ZNF66: variants seen among roughly 807,000 people sequenced by gnomAD.
ZNF66 encodes the protein putative zinc finger protein 66.
A neutral mutation model predicts 35.2 loss-of-function variants in ZNF66; 32 were observed. That is an observed-to-expected ratio of 0.91 (90% CI 0.69 to 1.22). The LOEUF is 1.22. Among genes scored for constraint, ZNF66 ranks in the 50% most tolerant of loss-of-function variants. The pLI is 0.00. For synonymous variants in ZNF66, 231 were observed against 181.3 expected, an observed-to-expected ratio of 1.27 and a Z score of -2.20; for missense variants, 666 against 543.1, an observed-to-expected ratio of 1.23 and a Z score of -2.25.
Position 20,789,616 on chromosome 19 carries a change from C to G in ZNF66, c.4-2896C>G, listed in dbSNP as rs182366270. ...AAAATTTTGTCTAAACTACATTAAC[C>G]TCTTTCTTTCTGTATCTCTTTCATC... On this transcript the variant is annotated intron_variant, in intron 1 of 3. Coordinates refer to ENST00000344519, the MANE Select transcript of ZNF66 (RefSeq NM_001355197.2). Among the ~76,000 whole-genome samples, 75 of 152,104 alleles carry G rather than the reference C, an allele frequency of 4.9e-4. 3 individuals are homozygous for G. The highest frequency in any genetic ancestry group is 4.3e-3 in the Admixed American group (66 of 15,232).
Position 20,776,386 on chromosome 19 carries a change from T to C in ZNF66, c.-62T>C, listed in dbSNP as rs1971194271. On this transcript the variant is annotated 5_prime_UTR_variant, in exon 1 of 4. Coordinates refer to ENST00000344519, the MANE Select transcript of ZNF66 (RefSeq NM_001355197.2). ...CCTAGAGGCCCAGCCTCTGTGGCCCTGTGTCCTGCAGGTATTGGGAGATCC... is the reference window on the plus strand; with the variant it reads ...CCTAGAGGCCCAGCCTCTGTGGCCCCGTGTCCTGCAGGTATTGGGAGATCC... 1 of 1,535,264 alleles carries C rather than the reference T, an allele frequency of 6.5e-7. No individual in the cohort carries two copies.
Position 20,806,159 on chromosome 19 carries a change from A to C in ZNF66, c.559A>C (p.Thr187Pro), listed in dbSNP as rs1178847214. 1 of 1,233,106 alleles carries C rather than the reference A, an allele frequency of 8.1e-7. No individual in the cohort carries two copies. Among genetic ancestry groups the C allele is most frequent in the Admixed American group, 1.7e-5 (1 of 58,520 alleles). The allele number at this position is 1,233,106 out of a possible 1,614,324, so 76.4% of individuals were successfully genotyped here. Residue 187 changes from threonine (T) to proline (P), a missense_variant, in exon 4 of 4, where the codon ACC becomes CCC. Transcript: ENST00000344519. ...TGGCAAAGCTTTTAACCGGTCCTCA[A>C]CCTTTACTACACATAAGAAAATTCA... Reference protein sequence around the residue: ...ECGKAFNRSSTFTTHKKIHTG... With the variant: ...ECGKAFNRSSPFTTHKKIHTG...
chr19:20,779,211 T>TAA (rs61704326), intron 1 of ZNF66, among the ~76,000 whole-genome samples: 19 of 151,050 alleles, frequency 1.3e-4, no homozygotes, highest in Admixed American at 1.2e-3. Flanking sequence ...TAGATTTATG[T>TAA]AAAAAAAAAA....
intron 3 of ZNF66, among the ~76,000 whole-genome samples, chr19:20,803,632 T>G (rs1362894681): frequency 6.6e-6 from 1 of 152,130 alleles, no homozygotes; most frequent in Non-Finnish European, 1.5e-5. Flanking sequence ...ACCATTATGA[T>G]AATGTTAAGA....
At chr19:20,786,821 G>A (rs1056881774) in intron 1 of ZNF66, among the ~76,000 whole-genome samples, 5 of 152,212 alleles carry the variant, frequency 3.3e-5, no homozygotes, top group Non-Finnish European at 2.9e-5. Context: ...GAGTGCAATG[G>A]CACAATCTTG....
In ZNF66 at chr19:20,806,577, C is replaced by T. The variant is rs951016104; in HGVS notation, c.977C>T (p.Ser326Leu). ...EECGKAFNWS[S>L]HLTTHKRIHT... ...TGTGGTAAAGCCTTCAACTGGTCCT[C>T]ACACCTTACTACACATAAGAGAATT... Residue 326 changes from serine (S) to leucine (L), a missense_variant, in exon 4 of 4, where the codon TCA (serine) becomes TTA (leucine). Coordinates refer to ENST00000344519, the MANE Select transcript of ZNF66 (RefSeq NM_001355197.2). 13 of 1,589,000 alleles carry T rather than the reference C, an allele frequency of 8.2e-6. No homozygotes were observed. The highest frequency in any genetic ancestry group is 1.1e-5 in the Non-Finnish European group (13 of 1,158,658).
intron 1 of ZNF66, among the ~76,000 whole-genome samples, chr19:20,783,995 T>G (rs1971266182): frequency 6.6e-6 from 1 of 152,150 alleles, no homozygotes; most frequent in Non-Finnish European, 1.5e-5. Flanking sequence ...TAGCTGGGAT[T>G]ACAAGTGCAC....
intron 1 of ZNF66, among the ~76,000 whole-genome samples, chr19:20,791,505 AG>A (rs754924462): frequency 1.4e-3 from 212 of 150,656 alleles, no homozygotes; most frequent in Non-Finnish European, 2.4e-3. Context: ...AAAAAAAAAA[AG>A]AAAATTGCTC....
chr19:20,807,389 A>G lies in ZNF66; in HGVS notation c.*67A>G, dbSNP rs1419155031. The G allele has an allele frequency of 1.8e-6, 1 of 568,312 alleles. No individual in the cohort carries two copies. Among genetic ancestry groups the G allele is most frequent in the African/African-American group, 1.9e-5 (1 of 53,200 alleles). 35.2% of individuals were successfully genotyped at this position (568,312 alleles called of 1,614,324 possible). On this transcript the variant is annotated 3_prime_UTR_variant, in exon 4 of 4. Coordinates refer to ENST00000344519, the MANE Select transcript of ZNF66 (RefSeq NM_001355197.2). ...GAGAGAAACCCTATGAGTTTGATGA[A>G]TGTGGGAAAGACTTTAACCAGCTAT... is the stretch of plus-strand genomic sequence containing the variant.
intron 1 of ZNF66, among the ~76,000 whole-genome samples, chr19:20,778,184 C>T (rs1971213244): frequency 6.6e-6 from 1 of 152,146 alleles, no homozygotes; most frequent in Non-Finnish European, 1.5e-5. Flanking sequence ...CACGCAACCT[C>T]TGCCTCCCAG....
intron 1 of ZNF66, chr19:20,784,546 A>G (rs1392475489): frequency 6.6e-6 from 1 of 152,214 alleles, no homozygotes; most frequent in African/African-American, 2.4e-5. Context: ...GCTATGTTGC[A>G]AGTTCTAATA....
chr19:20,805,299 A>G (rs142505356), intron 3 of ZNF66, among the ~76,000 whole-genome samples: 230 of 152,158 alleles, frequency 1.5e-3, no homozygotes, highest in Non-Finnish European at 2.7e-3. Flanking sequence ...GGTTCAAGCA[A>G]TTCTCTGCCT....
intron 1 of ZNF66, among the ~76,000 whole-genome samples, chr19:20,779,928 CAAA>C (rs71174746): frequency 6.2e-5 from 8 of 128,558 alleles, no homozygotes; most frequent in Non-Finnish European, 4.9e-5. Context: ...AACTCTGTCT[CAAA>C]AAAAAAAAAA....
chr19:20,790,239 A>C (rs1003658032), intron 1 of ZNF66, among the ~76,000 whole-genome samples: 5 of 152,304 alleles, frequency 3.3e-5, no homozygotes, highest in East Asian at 1.9e-4. Context: ...ATTTGCAGAA[A>C]TCTCTTGTGC....
rs10426864 is a variant in ZNF66 at position 20,807,895 on chromosome 19, T to C, written c.*573T>C. Among the ~76,000 whole-genome samples the C allele has an allele frequency of 0.093, 14,163 of 152,186 alleles. 677 individuals carry two copies. Among genetic ancestry groups the C allele is most frequent in the Middle Eastern group, 0.11 (33 of 294 alleles). On this transcript the variant is annotated 3_prime_UTR_variant, in exon 4 of 4. Coordinates refer to ENST00000344519, the MANE Select transcript of ZNF66 (RefSeq NM_001355197.2). ...TGGGTGCAGTGCACTGTGCATGAGCTGAAGCAGGGCGAGGCATTGCCTCAC... is the reference window on the plus strand; with the variant it reads ...TGGGTGCAGTGCACTGTGCATGAGCCGAAGCAGGGCGAGGCATTGCCTCAC...
rs894704279 is a variant in ZNF66, at chr19:20,808,741, G to T, written c.*1419G>T. On this transcript the variant is annotated 3_prime_UTR_variant, in exon 4 of 4. Coordinates refer to ENST00000344519, the MANE Select transcript of ZNF66 (RefSeq NM_001355197.2). ...CAAAAGTAGATAAAACCACAAAGAT[G>T]GGGAAAAAACAGAGCAGAAAAACTG... 6.6e-6 allele frequency among the ~76,000 whole-genome samples: 1 copy of T among 151,914 alleles called. No homozygotes were observed. Among genetic ancestry groups the T allele is most frequent in the African/African-American group, 2.4e-5 (1 of 41,372 alleles).
rs1037631504 is a variant in ZNF66, at chr19:20,808,545, C to T, written c.*1223C>T. On this transcript the variant is annotated 3_prime_UTR_variant, in exon 4 of 4. Coordinates refer to ENST00000344519, the MANE Select transcript of ZNF66 (RefSeq NM_001355197.2). Reference sequence around the variant, plus strand: ...GCAGCATTTGTGGTTCATGAAAATCCGCTGTTCTACAGCCACTGATGCTGA... The same window carrying T: ...GCAGCATTTGTGGTTCATGAAAATCTGCTGTTCTACAGCCACTGATGCTGA... 1.3e-5 allele frequency among the ~76,000 whole-genome samples: 2 copies of T among 152,092 alleles called. No individual in the cohort carries two copies. The highest frequency in any genetic ancestry group is 2.9e-5 in the Non-Finnish European group (2 of 68,016).
intron 1 of ZNF66, among the ~76,000 whole-genome samples, chr19:20,778,241 A>G (rs964395537): frequency 5.9e-4 from 90 of 152,088 alleles, no homozygotes; most frequent in Non-Finnish European, 2.2e-4. Flanking sequence ...CTGGGATTAC[A>G]GGTGTGTGTC....
chr19:20,785,925 C>G (rs1291371854), intron 1 of ZNF66, among the ~76,000 whole-genome samples: 1 of 151,990 alleles, frequency 6.6e-6, no homozygotes, highest in Non-Finnish European at 1.5e-5. Flanking sequence ...CTGTGCTGGG[C>G]TCATTTTCAT....
Sources: gnomAD v4.1 joint callset for allele counts (sites outside exome capture counted in the v4.1 genomes callset) on GRCh38, gnomAD v4.1.1 for gene constraint, MANE v1.5 for transcripts, NCBI Gene and HGNC (gene_info 2026-07-23, HGNC 2026-07-21) for gene names.